The following RBFOX1 variants were observed in gnomAD, a reference collection of about 807,000 sequenced individuals.
The protein encoded by RBFOX1 is RNA binding fox-1 homolog 1, also known as RNA binding protein fox-1 homolog 1.
In RBFOX1, 8 loss-of-function variants were observed where a neutral mutation model predicts 57.7. The observed-to-expected ratio is 0.14, with a 90% CI of 0.08 to 0.25. RBFOX1 has a LOEUF of 0.25. Among genes scored for constraint, RBFOX1 ranks in the 10% least tolerant of loss-of-function variants. RBFOX1 has a pLI of 1.00. For missense variants in RBFOX1, 611 were observed against 548.5 expected, an observed-to-expected ratio of 1.11 and a Z score of -1.14; for synonymous variants, 326 against 222.4, an observed-to-expected ratio of 1.47 and a Z score of -4.15.
intron 4 of RBFOX1, among the ~76,000 whole-genome samples, chr16:7,195,597 G>T (rs1270553174): frequency 6.6e-6 from 1 of 152,070 alleles, no homozygotes; most frequent in South Asian, 2.1e-4. Flanking sequence ...CAACTCTCTT[G>T]CCCAGGCTGG....
At chr16:6,433,846 CTTTTTT>C (rs201617630) in intron 2 of RBFOX1, among the ~76,000 whole-genome samples, 7 of 127,174 alleles carry the variant, frequency 5.5e-5, no homozygotes, top group African/African-American at 1.5e-4. Context: ...TTTCATTTTT[CTTTTTT>C]TTTTTTTTTT....
intron 3 of RBFOX1, among the ~76,000 whole-genome samples, chr16:6,693,446 C>G (rs539045284): frequency 6.6e-6 from 1 of 151,748 alleles, no homozygotes; most frequent in African/African-American, 2.4e-5. Flanking sequence ...TCCTTCACTA[C>G]CATCACCACC....
intron 4 of RBFOX1, among the ~76,000 whole-genome samples, chr16:5,870,796 T>A (rs530975599): frequency 6.6e-6 from 1 of 152,310 alleles, no homozygotes; most frequent in South Asian, 2.1e-4. Flanking sequence ...TGGCATGTTC[T>A]GTTAGGTAAA....
intron 4 of RBFOX1, among the ~76,000 whole-genome samples, chr16:5,911,869 C>A (rs2058609969): frequency 6.6e-6 from 1 of 152,146 alleles, no homozygotes; most frequent in African/African-American, 2.4e-5. Context: ...TGGCCTCATA[C>A]CCTCCCTAAA....
At chr16:6,180,798 TC>T (rs1292416543) in intron 1 of RBFOX1, among the ~76,000 whole-genome samples, 1 of 152,162 alleles carries the variant, frequency 6.6e-6, no homozygotes, top group African/African-American at 2.4e-5. Context: ...ACTCCTGACC[TC>T]AAGTAATCTA....
chr16:7,356,756 A>T (rs1378039892), intron 4 of RBFOX1, among the ~76,000 whole-genome samples: 1 of 152,278 alleles, frequency 6.6e-6, no homozygotes, highest in African/African-American at 2.4e-5. Context: ...TTCTTAAAAC[A>T]GGGACACTCT....
chr16:6,411,137 A>G lies in RBFOX1; in HGVS notation c.-64+94080A>G, dbSNP rs185655609. On this transcript the variant is annotated intron_variant, in intron 2 of 15. Coordinates refer to ENST00000550418, the MANE Select transcript of RBFOX1 (RefSeq NM_018723.4). The stretch of plus-strand genomic sequence containing the variant: ...GGAATACAGGTGCAACCCATCACAT[A>G]TGGCCAATTGTTTTTAAATTTTTTT... Among the ~76,000 whole-genome samples, 293 of 152,192 alleles carry G rather than the reference A, an allele frequency of 1.9e-3. 2 individuals carry two copies. Among genetic ancestry groups the G allele is most frequent in the Non-Finnish European group, 3.4e-3 (229 of 68,002 alleles).
intron 3 of RBFOX1, among the ~76,000 whole-genome samples, chr16:7,013,578 A>G (rs1290327533): frequency 2.0e-5 from 3 of 152,238 alleles, no homozygotes; most frequent in Non-Finnish European, 4.4e-5. Context: ...AAACTCTGGT[A>G]TAACCTATCA....
rs186385157 is a variant in RBFOX1, at chr16:6,947,580, C to A, written c.-15-104477C>A. On this transcript the variant is annotated intron_variant, in intron 3 of 15. Coordinates refer to ENST00000550418, the MANE Select transcript of RBFOX1 (RefSeq NM_018723.4). Reference sequence around the variant, plus strand: ...CTTGAGTTCCTGTTGCCCTTCCTTGCAGCTTGCTGCCTCCTGCCTTGCGTA... The same window carrying A: ...CTTGAGTTCCTGTTGCCCTTCCTTGAAGCTTGCTGCCTCCTGCCTTGCGTA... Among the ~76,000 whole-genome samples, 5 of 152,336 alleles carry A rather than the reference C, an allele frequency of 3.3e-5. No individual in the cohort carries two copies. The East Asian group carries it at 7.7e-4, about 24-fold the overall frequency.
chr16:6,315,117 T>A (rs1480997637), intron 1 of RBFOX1, among the ~76,000 whole-genome samples: 3 of 152,268 alleles, frequency 2.0e-5, no homozygotes, highest in Non-Finnish European at 4.4e-5. Flanking sequence ...TTTACAAATA[T>A]TAACTTTTAA....
intron 3 of RBFOX1, among the ~76,000 whole-genome samples, chr16:6,899,564 C>G (rs1396953368): frequency 1.3e-5 from 2 of 152,198 alleles, no homozygotes; most frequent in Non-Finnish European, 2.9e-5. Flanking sequence ...ACAACTCCAT[C>G]TCTCACCATC....
intron 4 of RBFOX1, among the ~76,000 whole-genome samples, chr16:7,188,089 G>A (rs574500294): frequency 1.3e-5 from 2 of 152,296 alleles, no homozygotes; most frequent in East Asian, 3.9e-4. Context: ...TGCATGCAAT[G>A]TGGAATATTT....
At chr16:7,200,913 A>T (rs2088215948) in intron 4 of RBFOX1, among the ~76,000 whole-genome samples, 1 of 152,176 alleles carries the variant, frequency 6.6e-6, no homozygotes, top group African/African-American at 2.4e-5. Flanking sequence ...ATAATGGAAT[A>T]AAAAAGTGAA....
intron 3 of RBFOX1, among the ~76,000 whole-genome samples, chr16:5,785,010 G>T (rs998868265): frequency 4.6e-5 from 7 of 152,176 alleles, no homozygotes; most frequent in Non-Finnish European, 5.9e-5. Context: ...CTGGGTTGTT[G>T]TGGGGATTAA....
At chr16:6,456,786 G>T (rs1448503327) in intron 2 of RBFOX1, among the ~76,000 whole-genome samples, 2 of 152,148 alleles carry the variant, frequency 1.3e-5, no homozygotes, top group African/African-American at 2.4e-5. Flanking sequence ...TAGATCAATT[G>T]TACATGAAGA....
At chr16:5,835,040 A>G (rs1043916893) in intron 3 of RBFOX1, among the ~76,000 whole-genome samples, 1 of 152,166 alleles carries the variant, frequency 6.6e-6, no homozygotes, top group African/African-American at 2.4e-5. Context: ...AGTAAACAAT[A>G]GATATTGGTG....
intron 2 of RBFOX1, among the ~76,000 whole-genome samples, chr16:6,448,415 C>A (rs968386537): frequency 6.6e-6 from 1 of 152,048 alleles, no homozygotes; most frequent in Non-Finnish European, 1.5e-5. Context: ...CCTTGGCCTC[C>A]CAAAGTGCTG....
At chr16:7,682,833 G>A (rs1388322261) in intron 14 of RBFOX1, among the ~76,000 whole-genome samples, 1 of 144,530 alleles carries the variant, frequency 6.9e-6, no homozygotes, top group East Asian at 2.1e-4. Flanking sequence ...GATCCATTTT[G>A]TTGTTGTTGT....
intron 3 of RBFOX1, among the ~76,000 whole-genome samples, chr16:5,739,618 C>G (rs1433829393): frequency 6.6e-6 from 1 of 152,214 alleles, no homozygotes; most frequent in Non-Finnish European, 1.5e-5. Context: ...TATTTTGCAG[C>G]AGACAGAGAC....
Sources: gnomAD v4.1 joint callset for allele counts (sites outside exome capture counted in the v4.1 genomes callset) on GRCh38, gnomAD v4.1.1 for gene constraint, MANE v1.5 for transcripts, NCBI Gene and HGNC (gene_info 2026-07-23, HGNC 2026-07-21) for gene names.